The following TOLLIP variants were observed in gnomAD, a reference collection of about 807,000 sequenced individuals.
TOLLIP encodes the protein toll-interacting protein.
TOLLIP carries 16 observed loss-of-function variants against 33.5 expected under a neutral mutation model. That is an observed-to-expected ratio of 0.48 (90% CI 0.32 to 0.72). The LOEUF (loss-of-function observed/expected upper bound fraction) is 0.72. TOLLIP is among the 30% of genes least tolerant of loss of function. The probability of loss-of-function intolerance (pLI) is 0.03; values close to 1 mark genes in which losing one functional copy is unlikely to be tolerated. For missense variants in TOLLIP, 325 were observed against 396.6 expected, an observed-to-expected ratio of 0.82 and a Z score of 1.53; for synonymous variants, 176 against 163.7, an observed-to-expected ratio of 1.07 and a Z score of -0.57.
intron 1 of TOLLIP, among the ~76,000 whole-genome samples, chr11:1,305,341 A>C (rs1864396825): frequency 6.6e-6 from 1 of 152,218 alleles, no homozygotes; most frequent in South Asian, 2.1e-4. Context: ...AGCCCACCAG[A>C]GCCAGCGGAG....
chr11:1,302,344 C>G (rs1028445953), intron 1 of TOLLIP, among the ~76,000 whole-genome samples: 1 of 152,238 alleles, frequency 6.6e-6, no homozygotes, highest in Non-Finnish European at 1.5e-5. Flanking sequence ...CGCAGGGTTT[C>G]AGAGACTGAA....
chr11:1,290,493 C>A lies in TOLLIP; in HGVS notation c.184-84G>T. 2 of 1,320,848 alleles carry A rather than the reference C, an allele frequency of 1.5e-6. No individual in the cohort carries two copies. The highest frequency in any genetic ancestry group is 2.1e-6 in the Non-Finnish European group (2 of 941,838). 81.8% of individuals were successfully genotyped at this position (1,320,848 alleles called of 1,614,324 possible). On this transcript the variant is annotated intron_variant, in intron 2 of 5. Coordinates refer to ENST00000317204, the MANE Select transcript of TOLLIP (RefSeq NM_019009.4). The surrounding 1 kb of genome is among the most constrained non-coding windows in gnomAD (Gnocchi z 4.9). ...TCTAGGCCGTCTGCCTCCCTGAACC[C>A]TTCCACGAGGCCTTTTCCTAACACA... is the stretch of plus-strand genomic sequence containing the variant.
rs1425484807 is a variant in TOLLIP, at chr11:1,289,726, G to A, written c.366+501C>T. On this transcript the variant is annotated intron_variant, in intron 3 of 5. Transcript: ENST00000317204. ...CTGGAAATCCCACCTGCTGGTGTGC[G>A]GCAAGACCCTGTGCGCCCAGCGGGG... Among the ~76,000 whole-genome samples the A allele has an allele frequency of 2.6e-5, 4 of 151,114 alleles. No homozygotes were observed. In the South Asian group the frequency reaches 6.3e-4, roughly 24 times the overall value.
intron 1 of TOLLIP, among the ~76,000 whole-genome samples, chr11:1,297,268 G>A (rs1411928754): frequency 6.6e-6 from 1 of 152,162 alleles, no homozygotes. Context: ...AGGGCTCCAG[G>A]AGGTTCTGAG....
At chr11:1,286,189 G>C in intron 4 of TOLLIP, 97 bp from the exon 5 acceptor site, 1 of 856,556 alleles carries the variant, frequency 1.2e-6, no homozygotes. Flanking sequence ...CCCCACGCCA[G>C]CCCAGAATCG....
chr11:1,297,692 A>G (rs1352339771), intron 1 of TOLLIP, among the ~76,000 whole-genome samples: 1 of 152,264 alleles, frequency 6.6e-6, no homozygotes, highest in Non-Finnish European at 1.5e-5. Context: ...AGGGTGTGGC[A>G]TAGGCCAGGG....
intron 4 of TOLLIP, among the ~76,000 whole-genome samples, chr11:1,286,922 G>A (rs903047736): frequency 6.6e-6 from 1 of 152,110 alleles, no homozygotes; most frequent in South Asian, 2.1e-4. Flanking sequence ...CTGCGGATAA[G>A]TCACTGCACT....
chr11:1,277,147 G>A lies in TOLLIP; in HGVS notation c.717C>T (p.Asp239=). 1 of 1,613,668 alleles carries A rather than the reference G, an allele frequency of 6.2e-7. No individual in the cohort carries two copies. The highest frequency in any genetic ancestry group is 8.5e-7 in the Non-Finnish European group (1 of 1,179,592). ...CCTCCTGGTCCATGTTGGGGAACAT[G>A]TCCTGGATGGCTTTCAGGTCCTCCT... The part of the protein sequence containing the change: ...CSEEDLKAIQ[D]MFPNMDQEVI... The change falls in exon 6 of 6, where the codon GAC becomes GAT. Residue 239 remains aspartate (D), a synonymous_variant. Transcript: ENST00000317204. The surrounding 1 kb of genome is among the most constrained non-coding windows in gnomAD (Gnocchi z 4.2).
rs5744007 is a variant in TOLLIP, at chr11:1,278,764, G to A, written c.611-1511C>T. On this transcript the variant is annotated intron_variant, in intron 5 of 5. Transcript: ENST00000317204. This position sits in a 1 kb window ranked among gnomAD's most constrained non-coding sequence, Gnocchi z 4.7. ...TTTCGGCAATGACGGAAAACGAACC[G>A]AACCATGGCCAGGTGGGGACGTGGC... Among the ~76,000 whole-genome samples, 2,119 of 152,286 alleles carry A rather than the reference G, an allele frequency of 0.014. 17 individuals carry two copies. Among genetic ancestry groups the A allele is most frequent in the Non-Finnish European group, 0.018 (1,244 of 68,000 alleles).
chr11:1,305,278 C>T (rs766203053), intron 1 of TOLLIP, among the ~76,000 whole-genome samples: 9 of 152,214 alleles, frequency 5.9e-5, no homozygotes, highest in East Asian at 1.9e-4. Flanking sequence ...GCGGTGAGTG[C>T]GTTCCCCGCT....
At chr11:1,295,355 G>C (rs1053671425) in intron 2 of TOLLIP, 7 of 299,952 alleles carry the variant, frequency 2.3e-5, no homozygotes, top group Non-Finnish European at 4.3e-5. Context: ...CGGGGGTCCG[G>C]GAGGTGTCCT....
chr11:1,292,747 C>T (rs539001180), intron 2 of TOLLIP, among the ~76,000 whole-genome samples: 14 of 152,314 alleles, frequency 9.2e-5, no homozygotes, highest in South Asian at 6.2e-4. Context: ...TGGGGACACA[C>T]GGGCACCGCT....
intron 1 of TOLLIP, among the ~76,000 whole-genome samples, chr11:1,304,966 C>T (rs1864387721): frequency 2.0e-5 from 3 of 152,184 alleles, no homozygotes; most frequent in Admixed American, 1.3e-4. Flanking sequence ...AATCCAGCTA[C>T]GTGCTATCGA....
intron 4 of TOLLIP, among the ~76,000 whole-genome samples, chr11:1,287,878 T>C (rs1459138639): frequency 1.4e-5 from 2 of 140,796 alleles, no homozygotes; most frequent in Non-Finnish European, 1.6e-5. Flanking sequence ...GCAGCCTCCC[T>C]GCTGCACCCT....
At chr11:1,288,044 C>A (rs2133899501) in intron 4 of TOLLIP, among the ~76,000 whole-genome samples, 1 of 152,260 alleles carries the variant, frequency 6.6e-6, no homozygotes, top group East Asian at 1.9e-4. Context: ...ACTGGCCCTC[C>A]TGATGCCCCC....
Position 1,278,036 on chromosome 11 carries a change from T to C in TOLLIP, c.611-783A>G, listed in dbSNP as rs1440987352. 6.6e-6 allele frequency among the ~76,000 whole-genome samples: 1 copy of C among 152,064 alleles called. No individual in the cohort carries two copies. The highest frequency in any genetic ancestry group is 1.9e-4 in the East Asian group (1 of 5,188). The stretch of plus-strand genomic sequence containing the variant: ...TCTGATGCGGGAGGACACACTGAGA[T>C]GCAATCTATCGAGCAGGAGACGCAC... On this transcript the variant is annotated intron_variant, in intron 5 of 5. Transcript: ENST00000317204. This position sits in a 1 kb window ranked among gnomAD's most constrained non-coding sequence, Gnocchi z 4.7.
chr11:1,308,045 G>A (rs5743859), intron 1 of TOLLIP, among the ~76,000 whole-genome samples: 20,797 of 152,212 alleles, frequency 0.14, 1,780 homozygotes, highest in Non-Finnish European at 0.2. Flanking sequence ...TCGTGAAAAA[G>A]GACTTTTTCC....
chr11:1,288,965 A>G (rs1863842186), intron 3 of TOLLIP, among the ~76,000 whole-genome samples, 189 bp from the exon 4 acceptor site: 1 of 152,212 alleles, frequency 6.6e-6, no homozygotes, highest in Admixed American at 6.5e-5. Context: ...CAGCCTCCGT[A>G]GGGGACTTCT....
At chr11:1,286,762 C>A (rs376669117) in intron 4 of TOLLIP, among the ~76,000 whole-genome samples, 1 of 150,314 alleles carries the variant, frequency 6.7e-6, no homozygotes, top group Admixed American at 6.7e-5. Context: ...CTGTCCACTG[C>A]GGATAAGTCA....
Sources: allele counts gnomAD v4.1 joint callset (sites outside exome capture counted in the v4.1 genomes callset), GRCh38; gene constraint gnomAD v4.1.1; non-coding constraint Gnocchi (gnomAD v3.1); transcripts MANE v1.5; gene names NCBI Gene and HGNC (gene_info 2026-07-23, HGNC 2026-07-21).